The following TMEM163 variants were observed in gnomAD, a reference collection of about 807,000 sequenced individuals.
The protein encoded by TMEM163 is transmembrane protein 163.
A neutral mutation model predicts 29.3 loss-of-function variants in TMEM163; 17 were observed. That is an observed-to-expected ratio of 0.58 (90% CI 0.40 to 0.87). TMEM163 has a LOEUF of 0.87. TMEM163 is among the 40% of genes least tolerant of loss of function. TMEM163 has a pLI of 0.00. For synonymous variants in TMEM163, 157 were observed against 160.6 expected, an observed-to-expected ratio of 0.98 and a Z score of 0.17; for missense variants, 303 against 381.5, an observed-to-expected ratio of 0.79 and a Z score of 1.71.
intron 5 of TMEM163, among the ~76,000 whole-genome samples, chr2:134,482,574 G>T (rs1679216239): frequency 1.3e-5 from 2 of 152,114 alleles, no homozygotes; most frequent in Non-Finnish European, 2.9e-5. Context: ...AATAGTAAAT[G>T]AATATTGATT....
At chr2:134,526,257 C>T (rs962800608) in intron 4 of TMEM163, among the ~76,000 whole-genome samples, 2 of 152,158 alleles carry the variant, frequency 1.3e-5, no homozygotes, top group African/African-American at 2.4e-5. Flanking sequence ...GAAAAGGGAG[C>T]GTACACTTCA....
intron 2 of TMEM163, among the ~76,000 whole-genome samples, chr2:134,553,729 G>C (rs1304730775): frequency 1.3e-5 from 2 of 152,184 alleles, no homozygotes; most frequent in African/African-American, 4.8e-5. Flanking sequence ...GGCACAGGGA[G>C]AAGGGCAGAG....
chr2:134,633,982 T>C (rs1295145293), intron 2 of TMEM163, among the ~76,000 whole-genome samples: 1 of 15,536 alleles, frequency 6.4e-5, no homozygotes, highest in African/African-American at 7.1e-4. Flanking sequence ...TATATATATA[T>C]ATATATATAT....
chr2:134,696,741 C>A (rs1030709221), intron 2 of TMEM163, among the ~76,000 whole-genome samples: 2 of 152,156 alleles, frequency 1.3e-5, no homozygotes, highest in Non-Finnish European at 2.9e-5. Context: ...CCATCCCCAG[C>A]AGCTTTGTTG....
At chr2:134,509,317 C>A (rs1212863224) in intron 4 of TMEM163, among the ~76,000 whole-genome samples, 1 of 152,204 alleles carries the variant, frequency 6.6e-6, no homozygotes, top group Non-Finnish European at 1.5e-5. Context: ...AAAGGTTGGG[C>A]TGAAAATACA....
chr2:134,558,447 C>G (rs752225722), intron 2 of TMEM163, among the ~76,000 whole-genome samples: 15 of 152,064 alleles, frequency 9.9e-5, no homozygotes, highest in Admixed American at 5.2e-4. Flanking sequence ...AAGACCAGAC[C>G]TTCTTTAACT....
chr2:134,471,331 T>C (rs191458558), intron 5 of TMEM163, among the ~76,000 whole-genome samples: 1 of 152,326 alleles, frequency 6.6e-6, no homozygotes, highest in East Asian at 1.9e-4. Context: ...GGGGACCTCA[T>C]AATGAGACTA....
intron 2 of TMEM163, among the ~76,000 whole-genome samples, chr2:134,644,286 A>G (rs1260668259): frequency 6.6e-6 from 1 of 152,124 alleles, no homozygotes; most frequent in African/African-American, 2.4e-5. Context: ...GGGAAAGCCA[A>G]CGGAACTAGA....
chr2:134,463,642 C>T (rs970425478), intron 6 of TMEM163, among the ~76,000 whole-genome samples: 1 of 152,220 alleles, frequency 6.6e-6, no homozygotes, highest in East Asian at 1.9e-4. Flanking sequence ...TTAGATCCGG[C>T]TGTGCTAGAA....
At chr2:134,666,977 G>A (rs1683885588) in intron 2 of TMEM163, among the ~76,000 whole-genome samples, 1 of 152,174 alleles carries the variant, frequency 6.6e-6, no homozygotes, top group Non-Finnish European at 1.5e-5. Context: ...AAGCCCCTCT[G>A]TGATGCTGTG....
intron 2 of TMEM163, among the ~76,000 whole-genome samples, chr2:134,684,040 A>G (rs1205245337): frequency 6.6e-6 from 1 of 152,216 alleles, no homozygotes. Flanking sequence ...AAAATGACCT[A>G]AGCAGTTGCA....
intron 2 of TMEM163, among the ~76,000 whole-genome samples, chr2:134,594,500 T>A (rs187973884): frequency 3.6e-3 from 545 of 152,296 alleles, no homozygotes; most frequent in Non-Finnish European, 3.8e-3. Context: ...AGGAGCTAGC[T>A]ATTTATATGC....
intron 4 of TMEM163, among the ~76,000 whole-genome samples, chr2:134,544,139 G>A (rs1680731927): frequency 6.6e-6 from 1 of 152,142 alleles, no homozygotes; most frequent in Non-Finnish European, 1.5e-5. Context: ...TGTCAAGCTG[G>A]ACCTTCTGTG....
chr2:134,488,006 T>TA (rs397949314), intron 5 of TMEM163, among the ~76,000 whole-genome samples: 12,336 of 145,070 alleles, frequency 0.085, 670 homozygotes, highest in African/African-American at 0.15. Context: ...AATCTCCATT[T>TA]AAAAAAAAAA....
At chr2:134,465,231 T>C (rs200851668) in intron 6 of TMEM163, among the ~76,000 whole-genome samples, 112 of 92,312 alleles carry the variant, frequency 1.2e-3, no homozygotes, top group Non-Finnish European at 1.6e-3. Flanking sequence ...TATATATATA[T>C]ACACACACAC....
chr2:134,618,304 T>C (rs1009265746), intron 2 of TMEM163, among the ~76,000 whole-genome samples: 2 of 152,178 alleles, frequency 1.3e-5, no homozygotes, highest in Admixed American at 6.5e-5. Flanking sequence ...TGAGGACTAT[T>C]ACTAGAGGTA....
At chr2:134,493,380 TTTTTTTTTTTTG>T (rs1679472379) in intron 5 of TMEM163, among the ~76,000 whole-genome samples, 2 of 132,742 alleles carry the variant, frequency 1.5e-5, no homozygotes, top group African/African-American at 5.9e-5. Context: ...TTTTTTTTTT[TTTTTTTTTTTTG>T]AGATGGAGTC....
At chr2:134,481,176 T>C (rs1307338891) in intron 5 of TMEM163, among the ~76,000 whole-genome samples, 1 of 152,194 alleles carries the variant, frequency 6.6e-6, no homozygotes, top group Non-Finnish European at 1.5e-5. Flanking sequence ...AGCTGTTGAT[T>C]CTGTATCATC....
intron 4 of TMEM163, among the ~76,000 whole-genome samples, chr2:134,512,806 C>T (rs598654): frequency 2.7e-4 from 41 of 152,198 alleles, no homozygotes; most frequent in South Asian, 1.0e-3. Flanking sequence ...AGCCACAGGG[C>T]GCACAAACTT....
Sources: gnomAD v4.1 joint callset for allele counts (sites outside exome capture counted in the v4.1 genomes callset) on GRCh38, gnomAD v4.1.1 for gene constraint, MANE v1.5 for transcripts, NCBI Gene and HGNC (gene_info 2026-07-23, HGNC 2026-07-21) for gene names.